CNTNAP2: variants seen among roughly 807,000 people sequenced by gnomAD.
CNTNAP2 encodes contactin associated protein 2.
A neutral mutation model predicts 155.2 loss-of-function variants in CNTNAP2; 98 were observed. The ratio of observed to expected loss-of-function variants is 0.63; its 90% confidence interval spans 0.54 to 0.75. CNTNAP2 has a LOEUF of 0.75. CNTNAP2 is among the 30% of genes least tolerant of loss of function. The pLI is 0.00. For missense variants in CNTNAP2, 1,727 were observed against 1,688.1 expected, an observed-to-expected ratio of 1.02 and a Z score of -0.40; for synonymous variants, 651 against 631.2, an observed-to-expected ratio of 1.03 and a Z score of -0.47.
chr7:147,884,908 CA>C (rs61343897), intron 13 of CNTNAP2, among the ~76,000 whole-genome samples: 54,393 of 151,826 alleles, frequency 0.36, 9,899 homozygotes, highest in Admixed American at 0.46. Context: ...GTGTTATAAA[CA>C]AAAAAAGGAT....
intron 1 of CNTNAP2, among the ~76,000 whole-genome samples, chr7:146,376,352 C>A (rs983310566): frequency 6.6e-6 from 1 of 152,094 alleles, no homozygotes; most frequent in African/African-American, 2.4e-5. Context: ...TTTTTCTTCA[C>A]TGCTCATCTC....
intron 15 of CNTNAP2, among the ~76,000 whole-genome samples, chr7:148,037,128 A>G (rs1376529067): frequency 6.6e-6 from 1 of 152,172 alleles, no homozygotes; most frequent in Non-Finnish European, 1.5e-5. Flanking sequence ...AGTATTGCCC[A>G]CTGATCAATA....
At chr7:148,135,488 A>C (rs1181135207) in intron 16 of CNTNAP2, among the ~76,000 whole-genome samples, 1 of 152,140 alleles carries the variant, frequency 6.6e-6, no homozygotes, top group Non-Finnish European at 1.5e-5. Context: ...AGTATGTGAT[A>C]TGCGATTGCT....
chr7:148,388,422 A>G (rs933489043), intron 22 of CNTNAP2, among the ~76,000 whole-genome samples: 1 of 151,130 alleles, frequency 6.6e-6, no homozygotes, highest in African/African-American at 2.4e-5. Flanking sequence ...GCGATAGTTT[A>G]CTGAGAATGA....
intron 13 of CNTNAP2, among the ~76,000 whole-genome samples, chr7:147,735,893 C>T (rs1172534694): frequency 6.6e-6 from 1 of 151,418 alleles, no homozygotes; most frequent in Non-Finnish European, 1.5e-5. Context: ...TCCCCCATCC[C>T]TTTATTTTGA....
intron 11 of CNTNAP2, among the ~76,000 whole-genome samples, chr7:147,502,429 TA>T (rs71697257): frequency 0.32 from 48,214 of 150,840 alleles, 7,888 homozygotes; most frequent in East Asian, 0.43. Flanking sequence ...ATAGGGAACC[TA>T]AAAAAAAATG....
intron 1 of CNTNAP2, among the ~76,000 whole-genome samples, chr7:146,676,536 T>A (rs566167397): frequency 6.6e-6 from 1 of 152,130 alleles, no homozygotes; most frequent in South Asian, 2.1e-4. Flanking sequence ...GATGTGGAGG[T>A]TTGGGGTACA....
intron 8 of CNTNAP2, among the ~76,000 whole-genome samples, chr7:147,238,402 G>GACACAC (rs147589329): frequency 1.8e-3 from 270 of 149,270 alleles, no homozygotes; most frequent in African/African-American, 5.2e-3. Flanking sequence ...TATGTGTGCA[G>GACACAC]ACACACACAC....
At chr7:148,027,676 C>A (rs958914670) in intron 15 of CNTNAP2, among the ~76,000 whole-genome samples, 6 of 152,056 alleles carry the variant, frequency 3.9e-5, no homozygotes, top group African/African-American at 1.4e-4. Context: ...TACCATCAAG[C>A]AAATTTGAGA....
intron 8 of CNTNAP2, among the ~76,000 whole-genome samples, chr7:147,144,417 T>C (rs2129287958): frequency 6.6e-6 from 1 of 152,318 alleles, no homozygotes; most frequent in Middle Eastern, 3.4e-3. Context: ...TTTGTTCAGC[T>C]ATGGTTGACA....
intron 3 of CNTNAP2, among the ~76,000 whole-genome samples, chr7:146,947,579 A>G (rs1423038577): frequency 7.1e-4 from 5 of 7,030 alleles, no homozygotes; most frequent in Admixed American, 4.1e-3. Flanking sequence ...ATATATACAT[A>G]TATATATATA....
chr7:146,298,079 G>C (rs1016204467), intron 1 of CNTNAP2, among the ~76,000 whole-genome samples: 1 of 152,144 alleles, frequency 6.6e-6, no homozygotes, highest in Non-Finnish European at 1.5e-5. Flanking sequence ...ATGCTATAAG[G>C]AAAGGAAACT....
intron 1 of CNTNAP2, among the ~76,000 whole-genome samples, chr7:146,132,352 C>A (rs1286761502): frequency 1.3e-5 from 2 of 152,144 alleles, no homozygotes; most frequent in Non-Finnish European, 2.9e-5. Context: ...AACTACCTGG[C>A]AGATTCTGAT....
intron 1 of CNTNAP2, among the ~76,000 whole-genome samples, chr7:146,666,706 T>A (rs1279951958): frequency 6.6e-6 from 1 of 152,216 alleles, no homozygotes; most frequent in African/African-American, 2.4e-5. Context: ...TGGGGTCAGA[T>A]GCTATCACAT....
intron 1 of CNTNAP2, among the ~76,000 whole-genome samples, chr7:146,212,361 G>T (rs1021907468): frequency 1.3e-5 from 2 of 152,138 alleles, no homozygotes; most frequent in African/African-American, 4.8e-5. Context: ...CAGAACCCTT[G>T]CTAGATTGAC....
chr7:148,230,949 G>T (rs1270760932), intron 20 of CNTNAP2, among the ~76,000 whole-genome samples: 3 of 152,164 alleles, frequency 2.0e-5, no homozygotes, highest in Non-Finnish European at 4.4e-5. Context: ...AAGTCCAGGA[G>T]ACAGATCGTT....
chr7:146,117,405 G>A (rs1466345431), intron 1 of CNTNAP2: 1 of 159,972 alleles, frequency 6.3e-6, no homozygotes, highest in Non-Finnish European at 1.4e-5. Context: ...TTAACAAGAG[G>A]AGCATGTTTT....
At chr7:146,880,492 T>C (rs994377965) in intron 3 of CNTNAP2, among the ~76,000 whole-genome samples, 16 of 151,986 alleles carry the variant, frequency 1.1e-4, no homozygotes, top group African/African-American at 3.9e-4. Flanking sequence ...ATAAATACAA[T>C]TAAATAAAAC....
chr7:147,498,860 C>T (rs1798760020), intron 11 of CNTNAP2, among the ~76,000 whole-genome samples: 1 of 152,056 alleles, frequency 6.6e-6, no homozygotes, highest in Admixed American at 6.5e-5. Context: ...AAATGAATAT[C>T]AGGTAGTAAA....
Sources: gnomAD v4.1 joint callset for allele counts (sites outside exome capture counted in the v4.1 genomes callset) on GRCh38, gnomAD v4.1.1 for gene constraint, MANE v1.5 for transcripts, NCBI Gene and HGNC (gene_info 2026-07-23, HGNC 2026-07-21) for gene names.